Variants in GALNT13 observed in about 807,000 individuals in gnomAD.
GALNT13 encodes polypeptide N-acetylgalactosaminyltransferase 13.
In GALNT13, 28 loss-of-function variants were observed where a neutral mutation model predicts 64.2. That is an observed-to-expected ratio of 0.44 (90% confidence interval 0.32 to 0.60). GALNT13 has a LOEUF of 0.60. Among genes scored for constraint, GALNT13 ranks in the 20% least tolerant of loss-of-function variants. The pLI is 0.05. For missense variants in GALNT13, 577 were observed against 669.8 expected, an observed-to-expected ratio of 0.86 and a Z score of 1.53; for synonymous variants, 214 against 224.6, an observed-to-expected ratio of 0.95 and a Z score of 0.42.
chr2:153,557,151 C>G, the GALNT13 span, among the ~76,000 whole-genome samples: 1 of 152,104 alleles, frequency 6.6e-6, no homozygotes, highest in South Asian at 2.1e-4. Flanking sequence ...TTTTGCTCTA[C>G]CTTTTCTATG....
rs74882479 is a variant in GALNT13, at chr2:153,875,935, C to T, written c.-177+3632C>T. ...TTCTTGACAGCGACTCTTAGTACATCACCTTCTTGTATTTGTGTCCCTGTC... is the reference window on the plus strand; with the variant it reads ...TTCTTGACAGCGACTCTTAGTACATTACCTTCTTGTATTTGTGTCCCTGTC... On this transcript the variant is annotated intron_variant, in intron 1 of 12. Transcript: ENST00000392825. Among the ~76,000 whole-genome samples the T allele has an allele frequency of 1.8e-3, 279 of 152,230 alleles. 4 individuals are homozygous for T. The East Asian group carries it at 0.026, about 14-fold the overall frequency.
the GALNT13 span, among the ~76,000 whole-genome samples, chr2:153,674,532 C>A: frequency 6.6e-6 from 1 of 152,098 alleles, no homozygotes; most frequent in Non-Finnish European, 1.5e-5. Context: ...CTTCCTTACA[C>A]CTTATAAAAA....
At chr2:153,790,594 C>G in the GALNT13 span, among the ~76,000 whole-genome samples, 1 of 152,196 alleles carries the variant, frequency 6.6e-6, no homozygotes, top group South Asian at 2.1e-4. Flanking sequence ...ATTGGAAGCC[C>G]TGACCAGAGC....
the GALNT13 span, among the ~76,000 whole-genome samples, chr2:153,526,599 T>G: frequency 6.6e-6 from 1 of 152,144 alleles, no homozygotes; most frequent in African/African-American, 2.4e-5. Context: ...AAGTCCAGAC[T>G]GTGAAGACTA....
At chr2:153,943,382 G>T (rs1199329525) in intron 2 of GALNT13, among the ~76,000 whole-genome samples, 4 of 152,058 alleles carry the variant, frequency 2.6e-5, no homozygotes, top group Admixed American at 6.6e-5. Context: ...CAGATCAGCT[G>T]GGATTTTAGA....
At chr2:153,502,875 G>T in the GALNT13 span, among the ~76,000 whole-genome samples, 1 of 151,960 alleles carries the variant, frequency 6.6e-6, no homozygotes, top group African/African-American at 2.4e-5. Context: ...TTGGCCATTT[G>T]TATGTCTTCT....
chr2:154,315,249 A>G lies in GALNT13; in HGVS notation c.1156+13660A>G, dbSNP rs757569200. 2.6e-5 allele frequency among the ~76,000 whole-genome samples: 4 copies of G among 152,300 alleles called. No individual in the cohort carries two copies. The South Asian group carries it at 8.3e-4, about 32-fold the overall frequency. On this transcript the variant is annotated intron_variant, in intron 9 of 12. Transcript: ENST00000392825. ...GTAGCCGTTCTTCCTCAGGATATTAATACAAATTATCTAGAAAATAAAAAT... is the reference window on the plus strand; with the variant it reads ...GTAGCCGTTCTTCCTCAGGATATTAGTACAAATTATCTAGAAAATAAAAAT...
At chr2:153,407,568 C>T in the GALNT13 span, among the ~76,000 whole-genome samples, 1 of 152,114 alleles carries the variant, frequency 6.6e-6, no homozygotes, top group Non-Finnish European at 1.5e-5. Flanking sequence ...CTGCTAGACC[C>T]AAATCATATA....
At chr2:153,424,516 A>G in the GALNT13 span, among the ~76,000 whole-genome samples, 1 of 151,880 alleles carries the variant, frequency 6.6e-6, no homozygotes, top group African/African-American at 2.4e-5. Flanking sequence ...GCAAATTAAC[A>G]TTAGAAAGAA....
intron 3 of GALNT13, among the ~76,000 whole-genome samples, chr2:154,044,495 T>G (rs1461973772): frequency 6.6e-6 from 1 of 152,144 alleles, no homozygotes; most frequent in Non-Finnish European, 1.5e-5. Flanking sequence ...CTAAAGGAGC[T>G]AGGTCATTAT....
At chr2:153,324,883 C>A in the GALNT13 span, among the ~76,000 whole-genome samples, 1 of 152,150 alleles carries the variant, frequency 6.6e-6, no homozygotes, top group East Asian at 1.9e-4. Flanking sequence ...ATTCAGTTTG[C>A]CAGTCTTTTA....
chr2:154,189,266 A>T (rs1686431946), intron 4 of GALNT13, among the ~76,000 whole-genome samples: 1 of 152,136 alleles, frequency 6.6e-6, no homozygotes, highest in Admixed American at 6.5e-5. Context: ...ATAAAATTTA[A>T]AAGTTGGATA....
Position 153,944,549 on chromosome 2 carries a change from G to A in GALNT13, c.52G>A (p.Val18Ile), listed in dbSNP as rs775542419. ...GGTTCTAGCCACTTCGCTGATGTGG[G>A]TTCTTGTTGATGTCTTCTTACTGCT... ...KVVLATSLMW[V>I]LVDVFLLLYF... Residue 18 changes from valine (V) to isoleucine (I), a missense_variant, in exon 3 of 13, where the codon GTT becomes ATT. By Grantham distance (29) the Val-to-Ile change is conservative. This residue lies in a region of GALNT13 where 341 missense variants were observed against 379.3 expected (regional missense o/e 0.90). Coordinates refer to ENST00000392825, the MANE Select transcript of GALNT13 (RefSeq NM_052917.4). 6.2e-7 allele frequency: 1 copy of A among 1,613,450 alleles called. No homozygotes were observed. The highest frequency in any genetic ancestry group is 1.3e-5 in the African/African-American group (1 of 75,028).
the GALNT13 span, among the ~76,000 whole-genome samples, chr2:153,395,456 G>A: frequency 6.6e-6 from 1 of 152,040 alleles, no homozygotes; most frequent in Non-Finnish European, 1.5e-5. Flanking sequence ...GACCTCCAGG[G>A]ATATCCAGGG....
chr2:154,080,072 T>G (rs117054585), intron 3 of GALNT13, among the ~76,000 whole-genome samples: 2 of 151,624 alleles, frequency 1.3e-5, no homozygotes, highest in East Asian at 3.9e-4. Flanking sequence ...AAGTTTAGAT[T>G]TTTAAAAACC....
At chr2:154,283,097 T>C (rs929759058) in intron 8 of GALNT13, among the ~76,000 whole-genome samples, 2 of 152,222 alleles carry the variant, frequency 1.3e-5, no homozygotes, top group Non-Finnish European at 2.9e-5. Flanking sequence ...AGGATCATAG[T>C]GCCTTCAGCA....
At chr2:153,184,863 G>C in the GALNT13 span, among the ~76,000 whole-genome samples, 12 of 152,116 alleles carry the variant, frequency 7.9e-5, no homozygotes, top group Admixed American at 7.9e-4. Flanking sequence ...GATTTGGTTT[G>C]CCAATATTTT....
At chr2:153,263,357 A>G in the GALNT13 span, among the ~76,000 whole-genome samples, 4 of 152,308 alleles carry the variant, frequency 2.6e-5, no homozygotes, top group Middle Eastern at 3.4e-3. Flanking sequence ...TATAATAAAA[A>G]TGGCCATACT....
At chr2:154,016,187 T>C (rs1696993120) in intron 3 of GALNT13, among the ~76,000 whole-genome samples, 1 of 152,212 alleles carries the variant, frequency 6.6e-6, no homozygotes, top group Admixed American at 6.5e-5. Context: ...TAATACATTC[T>C]ATATCATTTT....
Sources: gnomAD v4.1 joint callset for allele counts (sites outside exome capture counted in the v4.1 genomes callset) on GRCh38, gnomAD v4.1.1 for gene constraint, gnomAD v4.1.1 regional missense constraint, MANE v1.5 for transcripts, NCBI Gene and HGNC (gene_info 2026-07-23, HGNC 2026-07-21) for gene names.